The following RORA variants were observed in gnomAD, a reference collection of about 807,000 sequenced individuals.
The protein encoded by RORA is nuclear receptor ROR-alpha.
In RORA, 7 loss-of-function variants were observed where a neutral mutation model predicts 69.5. The observed-to-expected ratio is 0.10, with a 90% CI of 0.06 to 0.19. RORA has a LOEUF of 0.19. Among genes scored for constraint, RORA ranks in the 10% least tolerant of loss-of-function variants. The pLI is 1.00. For missense variants in RORA, 457 were observed against 663.0 expected, an observed-to-expected ratio of 0.69 and a Z score of 3.41; for synonymous variants, 261 against 240.8, an observed-to-expected ratio of 1.08 and a Z score of -0.78.
intron 1 of RORA, among the ~76,000 whole-genome samples, chr15:60,823,496 T>A (rs2072920715): frequency 6.6e-6 from 1 of 152,236 alleles, no homozygotes; most frequent in Admixed American, 6.5e-5. Context: ...CCACACATGT[T>A]GTGTTACTCA....
intron 2 of RORA, among the ~76,000 whole-genome samples, chr15:60,539,262 T>G (rs558723128): frequency 6.6e-6 from 1 of 152,238 alleles, no homozygotes; most frequent in Non-Finnish European, 1.5e-5. Flanking sequence ...TCTGTGAATA[T>G]GCAGGTGGTT....
At chr15:60,597,872 T>C (rs1414905251) in intron 2 of RORA, among the ~76,000 whole-genome samples, 1 of 151,142 alleles carries the variant, frequency 6.6e-6, no homozygotes, top group Non-Finnish European at 1.5e-5. Context: ...CCCATCCACT[T>C]TTCGGGAACA....
chr15:60,877,090 T>C (rs1334629426), intron 1 of RORA, among the ~76,000 whole-genome samples: 3 of 152,124 alleles, frequency 2.0e-5, no homozygotes, highest in Non-Finnish European at 4.4e-5. Flanking sequence ...CACCTGAACT[T>C]AAAATAAAAG....
intron 1 of RORA, among the ~76,000 whole-genome samples, chr15:60,979,205 G>A (rs1595858446): frequency 6.7e-6 from 1 of 148,164 alleles, no homozygotes; most frequent in South Asian, 2.1e-4. Context: ...ACCTCGTGAT[G>A]CACCCGCCTC....
chr15:60,872,557 T>C (rs1396278225), intron 1 of RORA, among the ~76,000 whole-genome samples: 1 of 152,120 alleles, frequency 6.6e-6, no homozygotes, highest in African/African-American at 2.4e-5. Flanking sequence ...TTGCTTGACA[T>C]CTCCTGGAAT....
At chr15:61,040,733 T>G (rs1422869727) in intron 1 of RORA, among the ~76,000 whole-genome samples, 2 of 152,208 alleles carry the variant, frequency 1.3e-5, no homozygotes, top group South Asian at 2.1e-4. Context: ...AATGAAAGGA[T>G]GGATGGATGG....
chr15:60,622,502 CT>C (rs2069440289), intron 2 of RORA, among the ~76,000 whole-genome samples: 1 of 151,908 alleles, frequency 6.6e-6, no homozygotes, highest in Admixed American at 6.5e-5. Context: ...GTCCCAGCTA[CT>C]CAGGAGGCTG....
intron 1 of RORA, among the ~76,000 whole-genome samples, chr15:60,853,302 A>C (rs1446266652): frequency 6.6e-6 from 1 of 152,212 alleles, no homozygotes; most frequent in African/African-American, 2.4e-5. Context: ...GGGAGTATGT[A>C]GGCTTTCATA....
At chr15:60,820,029 C>A (rs564280934) in intron 1 of RORA, among the ~76,000 whole-genome samples, 6 of 152,400 alleles carry the variant, frequency 3.9e-5, no homozygotes, top group African/African-American at 1.4e-4. Flanking sequence ...CCTAACATCC[C>A]AAACTAAAAG....
chr15:60,998,226 C>A (rs528369323), intron 1 of RORA, among the ~76,000 whole-genome samples: 2 of 150,760 alleles, frequency 1.3e-5, no homozygotes, highest in Non-Finnish European at 3.0e-5. Context: ...TACAGTGGCC[C>A]GATCACAGCT....
chr15:60,492,626 CAT>C lies in RORA; in HGVS notation c.*4827_*4828del, dbSNP rs1427395693. The C allele has an allele frequency of 1.3e-5, 2 of 152,090 alleles. No homozygotes were observed. The highest frequency in any genetic ancestry group is 4.8e-5 in the African/African-American group (2 of 41,414). 9.4% of individuals were successfully genotyped at this position (152,090 alleles called of 1,614,324 possible). On this transcript the variant is annotated 3_prime_UTR_variant, in exon 11 of 11. Transcript: ENST00000335670. ...ATGTAGAATTTGAAATAGTTTTTAA[CAT>C]ATGATGCTATATATATATTTATCAT...
intron 1 of RORA, among the ~76,000 whole-genome samples, chr15:60,809,458 C>A (rs2072710762): frequency 6.6e-6 from 1 of 152,224 alleles, no homozygotes; most frequent in African/African-American, 2.4e-5. Context: ...TCGCCAAGGG[C>A]AACCACTTTC....
rs1446791083 is a variant in RORA at position 60,693,543 on chromosome 15, A to G, written c.167-14857T>C. Among the ~76,000 whole-genome samples the G allele has an allele frequency of 5.3e-5, 8 of 152,018 alleles. No individual in the cohort carries two copies. The East Asian group carries it at 1.5e-3, about 29-fold the overall frequency. On this transcript the variant is annotated intron_variant, in intron 1 of 10. Coordinates refer to ENST00000335670, the MANE Select transcript of RORA (RefSeq NM_134261.3). ...GATGACATGATCCTATATCTAGAAA[A>G]CCCCACTGTGTTAGCCCAAAAGCTT...
intron 1 of RORA, among the ~76,000 whole-genome samples, chr15:60,860,363 A>T (rs1158490466): frequency 6.6e-6 from 1 of 152,190 alleles, no homozygotes; most frequent in Non-Finnish European, 1.5e-5. Context: ...ACAAGGTCAA[A>T]AGTTGCGAGA....
At chr15:60,889,561 G>GTTGGGGAGAGCA (rs2073791588) in intron 1 of RORA, among the ~76,000 whole-genome samples, 1 of 152,182 alleles carries the variant, frequency 6.6e-6, no homozygotes. Flanking sequence ...TGGGGAGAGC[G>GTTGGGGAGAGCA]ACAGTTGGAG....
At chr15:60,819,680 G>A (rs1032745650) in intron 1 of RORA, among the ~76,000 whole-genome samples, 2 of 151,192 alleles carry the variant, frequency 1.3e-5, no homozygotes, top group African/African-American at 4.9e-5. Context: ...TGAGTGGATG[G>A]TTGAATTCCA....
rs1416182165 is a variant in RORA at position 61,061,178 on chromosome 15, C to A, written c.166+167875G>T. On this transcript the variant is annotated intron_variant, in intron 1 of 10. Coordinates refer to ENST00000335670, the MANE Select transcript of RORA (RefSeq NM_134261.3). This position sits in a 1 kb window ranked among gnomAD's most constrained non-coding sequence, Gnocchi z 4.4. ...ACCATCCTGGCTAACATGGTGAAAC[C>A]CCGTCTCTACTAAAACCACAAAACA... 3.3e-5 allele frequency among the ~76,000 whole-genome samples: 5 copies of A among 151,912 alleles called. No individual in the cohort carries two copies.
intron 1 of RORA, among the ~76,000 whole-genome samples, chr15:60,685,268 GGCTGTGGTCTCCTGGATCC>G: frequency 6.6e-6 from 1 of 152,272 alleles, no homozygotes; most frequent in South Asian, 2.1e-4. Flanking sequence ...ATGCTGCAAA[GGCTGTGGTCTCCTGGATCC>G]GCTGTGCTCT....
At chr15:60,607,419 G>A (rs2068973606) in intron 2 of RORA, among the ~76,000 whole-genome samples, 1 of 152,150 alleles carries the variant, frequency 6.6e-6, no homozygotes. Context: ...AATTTTTTAT[G>A]ATGTACCTCA....
Sources: gnomAD v4.1 joint callset for allele counts (sites outside exome capture counted in the v4.1 genomes callset) on GRCh38, gnomAD v4.1.1 for gene constraint, Gnocchi (gnomAD v3.1) non-coding constraint, MANE v1.5 for transcripts, NCBI Gene and HGNC (gene_info 2026-07-23, HGNC 2026-07-21) for gene names.